The following PDZD2 variants were observed in gnomAD, a reference collection of about 807,000 sequenced individuals.
PDZD2 encodes PDZ domain containing 2, also known as PDZ domain-containing protein 2.
PDZD2 carries 90 observed loss-of-function variants against 220.7 expected under a neutral mutation model. The ratio of observed to expected loss-of-function variants is 0.41; its 90% CI spans 0.34 to 0.49. PDZD2 has a LOEUF of 0.49. PDZD2 is among the 20% of genes least tolerant of loss of function. The pLI, the probability that PDZD2 is intolerant of heterozygous loss-of-function variation, is 0.28. For synonymous variants in PDZD2, 1,375 were observed against 1,450.5 expected (o/e 0.95, Z 1.18); for missense variants, 3,174 against 3,608.5 (o/e 0.88, Z 3.08).
chr5:32,010,269 T>C, intron 5 of PDZD2, 61 bp from the exon 6 acceptor site: 1 of 1,331,864 alleles, frequency 7.5e-7, no homozygotes, highest in African/African-American at 1.5e-5. Flanking sequence ...CAGGTTGCCT[T>C]CAAGAACTGC....
At position 31,837,667 on chromosome 5, in the gene PDZD2, T is replaced by C. The variant is rs534591795; in HGVS notation, c.476+37943T>C. ...TGAACTTGGGAGGCAGAGGTTGCAGTGAGCCGAGATTGTGTCACTGTACTC... is the reference window on the plus strand; with the variant it reads ...TGAACTTGGGAGGCAGAGGTTGCAGCGAGCCGAGATTGTGTCACTGTACTC... On this transcript the variant is annotated intron_variant, in intron 2 of 24. Coordinates refer to ENST00000438447, the MANE Select transcript of PDZD2 (RefSeq NM_178140.4). Among the ~76,000 whole-genome samples the C allele has an allele frequency of 1.6e-3, 242 of 152,020 alleles. 2 individuals carry two copies. Among genetic ancestry groups the C allele is most frequent in the Non-Finnish European group, 3.2e-3 (215 of 67,974 alleles).
At position 31,884,482 on chromosome 5, in the gene PDZD2, G is replaced by A. The variant is rs138708421; in HGVS notation, c.476+84758G>A. ...AGAGGAATTGGTGAGACCCTAGGATGCCCATTCAGCCTCAGCCAGGGCAGG... is the reference window on the plus strand; with the variant it reads ...AGAGGAATTGGTGAGACCCTAGGATACCCATTCAGCCTCAGCCAGGGCAGG... On this transcript the variant is annotated intron_variant, in intron 2 of 24. Coordinates refer to ENST00000438447, the MANE Select transcript of PDZD2 (RefSeq NM_178140.4). Among the ~76,000 whole-genome samples, 3 of 152,296 alleles carry A rather than the reference G, an allele frequency of 2.0e-5. No homozygotes were observed. In the East Asian group the frequency reaches 5.8e-4, roughly 29 times the overall value.
intron 2 of PDZD2, among the ~76,000 whole-genome samples, chr5:31,893,022 A>G (rs1438828363): frequency 6.6e-6 from 1 of 152,228 alleles, no homozygotes; most frequent in Non-Finnish European, 1.5e-5. Flanking sequence ...CCTAGAGGGA[A>G]GCAGACAAAA....
chr5:32,052,704 A>G lies in PDZD2; in HGVS notation c.1759A>G (p.Ile587Val). 6.2e-7 allele frequency: 1 copy of G among 1,614,062 alleles called. No homozygotes were observed. Among genetic ancestry groups the G allele is most frequent in the Non-Finnish European group, 8.5e-7 (1 of 1,179,894 alleles). Residue 587 changes from isoleucine to valine, a missense_variant, in exon 9 of 25, where the codon ATT becomes GTT. Physicochemically the swap from Ile to Val is conservative, Grantham distance 29. Transcript: ENST00000438447. ...RLIRPSVISI[I>V]GLYKEKGKGL... ...CATTCGGCCATCCGTCATCTCGATC[A>G]TTGGGTTGTACAAAGAAAAAGGCAA...
intron 1 of PDZD2, among the ~76,000 whole-genome samples, chr5:31,648,491 G>T (rs1408454661): frequency 6.6e-6 from 1 of 151,910 alleles, no homozygotes; most frequent in Non-Finnish European, 1.5e-5. Context: ...AATAAGTCCT[G>T]TTGGCCCCAC....
intron 1 of PDZD2, among the ~76,000 whole-genome samples, chr5:31,699,851 A>C (rs1747543511): frequency 6.7e-6 from 1 of 150,354 alleles, no homozygotes; most frequent in Non-Finnish European, 1.5e-5. Flanking sequence ...GGCTGGTCTC[A>C]AACTCCTGGT....
chr5:31,929,462 A>AGC (rs1354041506), intron 2 of PDZD2, among the ~76,000 whole-genome samples: 1 of 152,234 alleles, frequency 6.6e-6, no homozygotes, highest in Non-Finnish European at 1.5e-5. Flanking sequence ...TGACAGTTTA[A>AGC]AATATCTGCG....
rs141405679 is a variant in PDZD2, at chr5:31,698,773, T to C, written c.-361+59336T>C. 4.2e-3 allele frequency among the ~76,000 whole-genome samples: 641 copies of C among 151,840 alleles called. 8 individuals carry two copies. Among genetic ancestry groups the C allele is most frequent in the African/African-American group, 0.014 (597 of 41,388 alleles). On this transcript the variant is annotated intron_variant, in intron 1 of 24. Transcript: ENST00000438447. ...CGCCAAGGCCCAGGAATTAAGTAGGTGGCCCCAAGGTTACACGAGGAAGTA... is the reference window on the plus strand; with the variant it reads ...CGCCAAGGCCCAGGAATTAAGTAGGCGGCCCCAAGGTTACACGAGGAAGTA...
intron 2 of PDZD2, among the ~76,000 whole-genome samples, chr5:31,816,722 T>C (rs35952258): frequency 0.2 from 30,603 of 152,048 alleles, 3,712 homozygotes; most frequent in African/African-American, 0.33. Context: ...GCAAGAAAAA[T>C]TTGACAAAAT....
chr5:32,089,519 C>T lies in PDZD2; in HGVS notation c.6071C>T (p.Ala2024Val). The change falls in exon 20 of 25, where the codon GCA becomes GTA. Residue 2024 changes from alanine (A) to valine (V), a missense_variant. By Grantham distance (64) the Ala-to-Val change is moderately conservative (BLOSUM62 0). Transcript: ENST00000438447. The part of the protein sequence containing the change: ...PTTPKSPKCR[A>V]EGRAPRADSG... ...ACCCCTAAATCTCCTAAGTGTAGAG[C>T]AGAGGGCAGGGCGCCCCGTGCTGAC... is the stretch of plus-strand genomic sequence containing the variant. 1 of 1,612,670 alleles carries T rather than the reference C, an allele frequency of 6.2e-7. No individual in the cohort carries two copies. The highest frequency in any genetic ancestry group is 8.5e-7 in the Non-Finnish European group (1 of 1,179,988).
At chr5:31,914,462 A>G (rs926575504) in intron 2 of PDZD2, among the ~76,000 whole-genome samples, 1 of 152,180 alleles carries the variant, frequency 6.6e-6, no homozygotes, top group African/African-American at 2.4e-5. Context: ...CAGGAGGCGG[A>G]GGTTGCAGTG....
chr5:32,046,480 C>T (rs775238055), intron 7 of PDZD2, among the ~76,000 whole-genome samples: 6 of 152,048 alleles, frequency 3.9e-5, no homozygotes, highest in Non-Finnish European at 8.8e-5. Flanking sequence ...TGAGCTCAGG[C>T]GATCGGCCCA....
intron 2 of PDZD2, among the ~76,000 whole-genome samples, chr5:31,861,188 G>T (rs1737676105): frequency 6.6e-6 from 1 of 152,182 alleles, no homozygotes; most frequent in Admixed American, 6.5e-5. Flanking sequence ...CAGCCACTGT[G>T]CAGGAGAGAG....
chr5:31,749,488 A>G (rs1454658499), intron 1 of PDZD2, among the ~76,000 whole-genome samples: 3 of 148,838 alleles, frequency 2.0e-5, no homozygotes, highest in Non-Finnish European at 3.0e-5. Context: ...CAGTGGCATG[A>G]TCTCAGCTCA....
At chr5:31,799,986 C>T (rs1449532472) in intron 2 of PDZD2, among the ~76,000 whole-genome samples, 3 of 152,112 alleles carry the variant, frequency 2.0e-5, no homozygotes, top group Admixed American at 2.0e-4. Flanking sequence ...ACTCACAGTC[C>T]AGAAGCCCCA....
chr5:31,699,549 G>A (rs1747525521), intron 1 of PDZD2, among the ~76,000 whole-genome samples: 1 of 152,052 alleles, frequency 6.6e-6, no homozygotes, highest in Non-Finnish European at 1.5e-5. Context: ...AGGAGTTCGA[G>A]ATCAGCCTGG....
At chr5:31,780,702 G>A (rs1753015384) in intron 1 of PDZD2, among the ~76,000 whole-genome samples, 1 of 152,146 alleles carries the variant, frequency 6.6e-6, no homozygotes, top group Admixed American at 6.5e-5. Context: ...TCAAGAGGCT[G>A]GTTACAAAAA....
intron 2 of PDZD2, among the ~76,000 whole-genome samples, chr5:31,809,194 C>T (rs895739662): frequency 2.6e-5 from 4 of 152,150 alleles, no homozygotes; most frequent in Non-Finnish European, 1.5e-5. Context: ...TTGCTTTCCT[C>T]ACCTCTTGGG....
intron 1 of PDZD2, among the ~76,000 whole-genome samples, chr5:31,709,022 G>C (rs1747961346): frequency 6.6e-6 from 1 of 151,850 alleles, no homozygotes; most frequent in African/African-American, 2.4e-5. Flanking sequence ...CGAGTAGCTG[G>C]GATTACAGGC....
Sources: gnomAD v4.1 joint callset for allele counts (sites outside exome capture counted in the v4.1 genomes callset) on GRCh38, gnomAD v4.1.1 for gene constraint, MANE v1.5 for transcripts, NCBI Gene and HGNC (gene_info 2026-07-23, HGNC 2026-07-21) for gene names.